Variants in BAZ1B observed in about 807,000 individuals in gnomAD.
The protein encoded by BAZ1B is bromodomain adjacent to zinc finger domain 1B.
Under a neutral mutation model 153.8 loss-of-function variants are expected in BAZ1B, and 22 were observed. That is an observed-to-expected ratio of 0.14 (90% confidence interval 0.10 to 0.20). The LOEUF (loss-of-function observed/expected upper bound fraction) is 0.20. BAZ1B is among the 10% of genes least tolerant of loss of function. The pLI is 1.00. For missense variants in BAZ1B, 1,325 were observed against 1,799.3 expected (o/e 0.74, Z 4.77); for synonymous variants, 676 against 633.4 (o/e 1.07, Z -1.01).
intron 14 of BAZ1B, 72 bp from the exon 15 acceptor site, chr7:73,449,761 A>G (rs1682376244): frequency 1.3e-6 from 2 of 1,516,962 alleles, no homozygotes; most frequent in Non-Finnish European, 1.8e-6. Context: ...GGAAGAGGCA[A>G]TCACCCTACA....
chr7:73,461,902 C>T (rs782045655), intron 12 of BAZ1B, among the ~76,000 whole-genome samples: 2 of 152,148 alleles, frequency 1.3e-5, no homozygotes, highest in Non-Finnish European at 2.9e-5. Context: ...TCAGCCAGGG[C>T]AACATAGTGA....
intron 13 of BAZ1B, among the ~76,000 whole-genome samples, chr7:73,453,683 G>A (rs1282697510): frequency 2.0e-5 from 3 of 152,206 alleles, no homozygotes; most frequent in Non-Finnish European, 1.5e-5. Context: ...GCTATACACA[G>A]TCATTTAAAA....
At chr7:73,469,673 A>G (rs1788723077) in intron 8 of BAZ1B, 23 bp from the exon 9 acceptor site, 1 of 1,613,046 alleles carries the variant, frequency 6.2e-7, no homozygotes, top group Non-Finnish European at 8.5e-7. Flanking sequence ...ACCAGTATTA[A>G]TAAGACAGTG....
chr7:73,442,888 G>A (rs1787682040), intron 17 of BAZ1B, 60 bp from the exon 18 acceptor site: 2 of 1,303,290 alleles, frequency 1.5e-6, no homozygotes, highest in Non-Finnish European at 2.2e-6. Flanking sequence ...GAATGGACAG[G>A]GCAGAAAATA....
At chr7:73,510,099 C>T (rs1395699049) in intron 2 of BAZ1B, among the ~76,000 whole-genome samples, 6 of 151,432 alleles carry the variant, frequency 4.0e-5, no homozygotes, top group African/African-American at 1.5e-4. Context: ...TGCATTCCAG[C>T]CTGGGCAACA....
At chr7:73,461,272 G>A (rs782571132) in intron 12 of BAZ1B, among the ~76,000 whole-genome samples, 3 of 151,880 alleles carry the variant, frequency 2.0e-5, no homozygotes, top group Admixed American at 6.6e-5. Flanking sequence ...CACCGCGCCC[G>A]CATGAACAAG....
intron 7 of BAZ1B, among the ~76,000 whole-genome samples, chr7:73,472,335 C>CGTT (rs1193193962): frequency 1.3e-5 from 2 of 151,488 alleles, no homozygotes; most frequent in Non-Finnish European, 2.9e-5. Context: ...CTCGCCTCAC[C>CGTT]GCAACCTCCG....
At chr7:73,462,244 GAAAA>G (rs1489656960) in intron 12 of BAZ1B, among the ~76,000 whole-genome samples, 2 of 150,614 alleles carry the variant, frequency 1.3e-5, no homozygotes, top group South Asian at 4.2e-4. Context: ...TCTTTAAAAA[GAAAA>G]AAAAGACAAA....
intron 1 of BAZ1B, among the ~76,000 whole-genome samples, chr7:73,517,531 A>G (rs1178391895): frequency 2.0e-5 from 3 of 152,254 alleles, no homozygotes; most frequent in South Asian, 2.1e-4. Context: ...AGGGAAAGCA[A>G]GAAAAAAAAT....
chr7:73,465,349 A>C, intron 11 of BAZ1B, 90 bp downstream of exon 11: 1 of 836,584 alleles, frequency 1.2e-6, no homozygotes, highest in Non-Finnish European at 1.8e-6. Context: ...TACTTTAGTA[A>C]CTTAAATGGA....
At chr7:73,460,414 T>G (rs2116277138) in intron 12 of BAZ1B, among the ~76,000 whole-genome samples, 1 of 152,286 alleles carries the variant, frequency 6.6e-6, no homozygotes, top group Non-Finnish European at 1.5e-5. Flanking sequence ...GTTTTTTTAA[T>G]TTTTTTCTTA....
chr7:73,486,483 C>T (rs933013220), intron 6 of BAZ1B, among the ~76,000 whole-genome samples: 5 of 152,064 alleles, frequency 3.3e-5, no homozygotes, highest in African/African-American at 7.2e-5. Flanking sequence ...CCCGCCACCA[C>T]GCCCGGCTAA....
At chr7:73,476,839 T>TC in intron 7 of BAZ1B, 29 bp downstream of exon 7, 1 of 1,566,940 alleles carries the variant, frequency 6.4e-7, no homozygotes, top group Non-Finnish European at 8.6e-7. Context: ...CTACAGAGCT[T>TC]CCCCTTTTCT....
chr7:73,466,114 A>G (rs1380396168), intron 10 of BAZ1B, among the ~76,000 whole-genome samples, 182 bp downstream of exon 10: 1 of 152,236 alleles, frequency 6.6e-6, no homozygotes, highest in Non-Finnish European at 1.5e-5. Context: ...TTAAAAAAAC[A>G]AGTATCTTCT....
rs370069673 is a variant in BAZ1B at position 73,478,081 on chromosome 7, T to G, written c.1380A>C (p.Thr460=). The part of the protein sequence containing the change: ...MTRAPRNSGG[T]PRTSSKPHKH... Reference sequence around the variant, plus strand: ...TATGAGGTTTACTAGAGGTCCTAGGTGTACCCCCAGAATTCCGTGGGGCTC... The same window carrying G: ...TATGAGGTTTACTAGAGGTCCTAGGGGTACCCCCAGAATTCCGTGGGGCTC... The change falls in exon 7 of 20, where the codon ACA becomes ACC. Residue 460 remains threonine (T), a synonymous_variant. Coordinates refer to ENST00000339594, the MANE Select transcript of BAZ1B (RefSeq NM_032408.4). 1.2e-6 allele frequency: 2 copies of G among 1,614,072 alleles called. No individual in the cohort carries two copies. The highest frequency in any genetic ancestry group is 1.7e-6 in the Non-Finnish European group (2 of 1,180,030).
chr7:73,505,675 C>T (rs1056678653), intron 3 of BAZ1B, among the ~76,000 whole-genome samples: 8 of 152,038 alleles, frequency 5.3e-5, no homozygotes, highest in African/African-American at 1.7e-4. Context: ...TTCGGCCTCC[C>T]GAGTAGCTGG....
rs1554580279 is a variant in BAZ1B at position 73,521,837 on chromosome 7, G to C, written c.97C>G (p.Arg33Gly). 1.3e-6 allele frequency: 2 copies of C among 1,499,936 alleles called. No individual in the cohort carries two copies. Among genetic ancestry groups the C allele is most frequent in the South Asian group, 2.5e-5 (2 of 81,196 alleles). 92.9% of individuals were successfully genotyped at this position (1,499,936 alleles called of 1,614,324 possible). A position where few individuals can be genotyped will look rare whatever the true frequency, so the allele number is the denominator to read the frequency against. The change falls in exon 1 of 20, where the codon CGC becomes GGC. Residue 33 changes from arginine to glycine, a missense_variant. Arg to Gly is a moderately radical substitution (Grantham distance 125). Transcript: ENST00000339594. ...FTIPHTQEAF[R>G]TREEYEARLE... ...GCTGGAAAAGGATACTCCCGGGTGC[G>C]GAAGGCCTCCTGAGTGTGCGGGATG...
chr7:73,508,075 G>T (rs1438005775), intron 3 of BAZ1B, among the ~76,000 whole-genome samples: 2 of 152,088 alleles, frequency 1.3e-5, no homozygotes, highest in Non-Finnish European at 2.9e-5. Context: ...AGAATCACTT[G>T]AACACGGGAG....
intron 4 of BAZ1B, among the ~76,000 whole-genome samples, chr7:73,495,737 G>C (rs1267188494): frequency 1.3e-5 from 2 of 152,194 alleles, no homozygotes; most frequent in African/African-American, 2.4e-5. Context: ...GCAGCGACAT[G>C]AATGAAGCTG....
Sources: gnomAD v4.1 joint callset for allele counts (sites outside exome capture counted in the v4.1 genomes callset) on GRCh38, gnomAD v4.1.1 for gene constraint, MANE v1.5 for transcripts, NCBI Gene and HGNC (gene_info 2026-07-23, HGNC 2026-07-21) for gene names.